Variants in ENOX2 observed in about 807,000 individuals in gnomAD.
The protein encoded by ENOX2 is ecto-NOX disulfide-thiol exchanger 2.
A neutral mutation model predicts 45.0 loss-of-function variants in ENOX2; 36 were observed. The observed-to-expected ratio is 0.80, with a 90% CI of 0.61 to 1.06. The LOEUF is 1.06. Ranked by LOEUF, ENOX2 falls within the 50% of genes least tolerant of loss-of-function variation. The pLI is 0.00. For missense variants in ENOX2, 423 were observed against 462.5 expected (o/e 0.91, Z 0.78); for synonymous variants, 174 against 152.3 (o/e 1.14, Z -1.05).
intron 3 of ENOX2, among the ~76,000 whole-genome samples, chrX:130,738,357 A>G (rs2038907222): frequency 8.9e-6 from 1 of 112,310 alleles, no homozygotes; most frequent in Admixed American, 9.4e-5. Flanking sequence ...CACTGAAATC[A>G]CTATAGCTAC....
At chrX:130,829,023 T>C (rs572236318) in intron 2 of ENOX2, among the ~76,000 whole-genome samples, 34 of 111,938 alleles carry the variant, frequency 3.0e-4, no homozygotes, top group Middle Eastern at 9.1e-3. Flanking sequence ...TTGTAACATA[T>C]AACAAATGTG....
intron 2 of ENOX2, among the ~76,000 whole-genome samples, chrX:130,817,789 G>A (rs1307891584): frequency 8.9e-6 from 1 of 112,165 alleles, no homozygotes; most frequent in African/African-American, 3.2e-5. Context: ...AGCTATTTAT[G>A]ACAAAACCAC....
chrX:130,677,675 GAAGA>G (rs1183621470), intron 6 of ENOX2, among the ~76,000 whole-genome samples: 1 of 111,526 alleles, frequency 9.0e-6, no homozygotes, highest in Non-Finnish European at 1.9e-5. Context: ...TTTATAAGAG[GAAGA>G]AAGACCTGAG....
intron 2 of ENOX2, among the ~76,000 whole-genome samples, chrX:130,820,719 A>G (rs2077580620): frequency 8.9e-6 from 1 of 112,755 alleles, no homozygotes; most frequent in Admixed American, 9.4e-5. Flanking sequence ...CAGAAAGACA[A>G]ATACCACATG....
chrX:130,722,937 G>A (rs997504938), intron 3 of ENOX2, among the ~76,000 whole-genome samples: 1 of 112,476 alleles, frequency 8.9e-6, no homozygotes, highest in Non-Finnish European at 1.9e-5. Flanking sequence ...TGAATCTGCT[G>A]TCTGACAACT....
At chrX:130,656,489 T>G in intron 10 of ENOX2, 92 bp downstream of exon 10, 1 of 547,739 alleles carries the variant, frequency 1.8e-6, no homozygotes, top group Non-Finnish European at 3.1e-6. Context: ...GCTGATAGGT[T>G]GATGGCCATA....
intron 3 of ENOX2, among the ~76,000 whole-genome samples, chrX:130,756,556 T>G (rs1256139447): frequency 8.9e-6 from 1 of 112,165 alleles, no homozygotes; most frequent in African/African-American, 3.2e-5. Context: ...TGATATTCAC[T>G]GTGGCTAATT....
At chrX:130,753,783 A>G (rs778997536) in intron 3 of ENOX2, among the ~76,000 whole-genome samples, 12 of 111,467 alleles carry the variant, frequency 1.1e-4, no homozygotes, top group African/African-American at 3.9e-4. Context: ...GTTTGGTTCT[A>G]TATCTTAGCT....
At chrX:130,791,229 TTC>T (rs772954812) in intron 2 of ENOX2, among the ~76,000 whole-genome samples, 1 of 111,832 alleles carries the variant, frequency 8.9e-6, no homozygotes, top group East Asian at 2.8e-4. Context: ...TCTTTGGGTA[TTC>T]TGTCTTAGCC....
At chrX:130,716,096 A>G (rs1223892559) in intron 3 of ENOX2, among the ~76,000 whole-genome samples, 2 of 111,601 alleles carry the variant, frequency 1.8e-5, no homozygotes, top group South Asian at 7.6e-4. Flanking sequence ...ATAATATTAG[A>G]TTGGTGCAAA....
chrX:130,859,358 C>T (rs1213191106), intron 2 of ENOX2, among the ~76,000 whole-genome samples: 1 of 110,605 alleles, frequency 9.0e-6, no homozygotes, highest in African/African-American at 3.3e-5. Context: ...CAAAACAAAA[C>T]AAAAAAACAA....
intron 10 of ENOX2, chrX:130,646,373 G>T: frequency 4.3e-6 from 1 of 233,487 alleles, no homozygotes; most frequent in Non-Finnish European, 7.8e-6. Flanking sequence ...AGGCCCCACT[G>T]AAGAACTCCC....
rs768184579 is a variant in ENOX2 at position 130,656,632 on chromosome X, A to C, written c.1078T>G (p.Ser360Ala). 4.2e-6 allele frequency: 5 copies of C among 1,180,900 alleles called. 1 individual carries two copies. In the South Asian group the frequency reaches 9.2e-5, roughly 22 times the overall value. ...GTCATTTCTTCTATTTCATCATCAG[A>C]CATTTCCATTTCTTCTTCTCGCCTG... ...GIRREEEMEM[S>A]DDEIEEMTET... The change falls in exon 10 of 15, where the codon TCT (serine) becomes GCT (alanine). Residue 360 changes from serine to alanine, a missense_variant. Ser to Ala is a moderately conservative substitution (Grantham distance 99). Coordinates refer to ENST00000394363, the MANE Select transcript of ENOX2 (RefSeq NM_006375.4).
intron 3 of ENOX2, among the ~76,000 whole-genome samples, chrX:130,768,747 G>A (rs1366151738): frequency 8.9e-6 from 1 of 111,930 alleles, no homozygotes; most frequent in African/African-American, 3.2e-5. Flanking sequence ...TAACTCGGGG[G>A]CTATCCTGGA....
intron 2 of ENOX2, among the ~76,000 whole-genome samples, chrX:130,810,428 T>C (rs2077372042): frequency 9.0e-6 from 1 of 111,166 alleles, no homozygotes; most frequent in Non-Finnish European, 1.9e-5. Flanking sequence ...AGGCCCACCA[T>C]AGCACCAGGT....
rs144322279 is a variant in ENOX2 at position 130,706,846 on chromosome X, C to T, written c.-38-3592G>A. On this transcript the variant is annotated intron_variant, in intron 3 of 14. Coordinates refer to ENST00000394363, the MANE Select transcript of ENOX2 (RefSeq NM_006375.4). ...TTGTAGAAATTTGCTTAGTTACAAC[C>T]AGGGATATATGCCCAACTAATAACT... 4.9e-3 allele frequency among the ~76,000 whole-genome samples: 553 copies of T among 111,752 alleles called. 1 individual carries two copies. The highest frequency in any genetic ancestry group is 0.018 in the Middle Eastern group (4 of 217).
chrX:130,694,338 T>G (rs1264772784), intron 4 of ENOX2, among the ~76,000 whole-genome samples: 1 of 111,418 alleles, frequency 9.0e-6, no homozygotes. Flanking sequence ...AAAGGCGCTT[T>G]GGGATCCTGC....
intron 9 of ENOX2, 116 bp from the exon 10 acceptor site, chrX:130,656,811 C>A: frequency 2.2e-6 from 1 of 464,370 alleles, no homozygotes. Context: ...GAAAAAAATC[C>A]TCCAAATACT....
chrX:130,681,811 A>G (rs1356545839), intron 5 of ENOX2, among the ~76,000 whole-genome samples: 1 of 111,829 alleles, frequency 8.9e-6, no homozygotes, highest in Non-Finnish European at 1.9e-5. Flanking sequence ...TATAGAACCC[A>G]GGTTTCTTAA....
Sources: allele counts gnomAD v4.1 joint callset (sites outside exome capture counted in the v4.1 genomes callset), GRCh38; gene constraint gnomAD v4.1.1; transcripts MANE v1.5; gene names NCBI Gene and HGNC (gene_info 2026-07-23, HGNC 2026-07-21).